The following PRKAR1A variants were observed in gnomAD, a reference collection of about 807,000 sequenced individuals.
PRKAR1A encodes protein kinase cAMP-dependent type I regulatory subunit alpha.
Under a neutral mutation model 52.0 loss-of-function variants are expected in PRKAR1A, and 3 were observed. That is an observed-to-expected ratio of 0.06 (90% CI 0.03 to 0.15). The LOEUF is 0.15. Among genes scored for constraint, PRKAR1A ranks in the 10% least tolerant of loss-of-function variants. The probability of loss-of-function intolerance (pLI) is 1.00; values close to 1 mark genes in which losing one functional copy is unlikely to be tolerated. For missense variants in PRKAR1A, 240 were observed against 477.4 expected, an observed-to-expected ratio of 0.50 and a Z score of 4.63; for synonymous variants, 188 against 168.4, an observed-to-expected ratio of 1.12 and a Z score of -0.90.
At chr17:68,454,662 T>A in the PRKAR1A span, among the ~76,000 whole-genome samples, 2 of 152,232 alleles carry the variant, frequency 1.3e-5, no homozygotes, top group African/African-American at 4.8e-5. Context: ...AACTTCAAAA[T>A]GTATTTTGTA....
At chr17:68,475,861 A>G in the PRKAR1A span, among the ~76,000 whole-genome samples, 1 of 152,128 alleles carries the variant, frequency 6.6e-6, no homozygotes, top group African/African-American at 2.4e-5. Context: ...ATTTTTATGC[A>G]TATATATGTA....
intron 6 of PRKAR1A, 54 bp from the exon 7 acceptor site, chr17:68,525,700 A>T: frequency 6.3e-7 from 1 of 1,581,952 alleles, no homozygotes; most frequent in East Asian, 2.2e-5. Flanking sequence ...GGTTTTTAAC[A>T]TTTAAGTGTT....
intron 11 of PRKAR1A, among the ~76,000 whole-genome samples, chr17:68,547,486 A>G (rs530957878): frequency 2.9e-4 from 44 of 152,334 alleles, no homozygotes; most frequent in African/African-American, 6.3e-4. Flanking sequence ...ACGTTCATCA[A>G]TGATCTTAGC....
At chr17:68,435,149 G>A in the PRKAR1A span, among the ~76,000 whole-genome samples, 1 of 151,440 alleles carries the variant, frequency 6.6e-6, no homozygotes, top group South Asian at 2.1e-4. Flanking sequence ...GGAGGTTGCA[G>A]TGAGCCGAGA....
At chr17:68,514,696 T>G (rs1809625360) in intron 1 of PRKAR1A, 1 of 152,242 alleles carries the variant, frequency 6.6e-6, no homozygotes, top group Non-Finnish European at 1.5e-5. Flanking sequence ...GTTTTACAGT[T>G]TATGTGGTAA....
chr17:68,510,072 C>T (rs1191376973), upstream of PRKAR1A, among the ~76,000 whole-genome samples: 1 of 151,914 alleles, frequency 6.6e-6, no homozygotes, highest in African/African-American at 2.4e-5. Flanking sequence ...TTGGGTAGCT[C>T]TGCAGGAAGA....
chr17:68,416,799 G>A, the PRKAR1A span, among the ~76,000 whole-genome samples: 1 of 148,438 alleles, frequency 6.7e-6, no homozygotes, highest in African/African-American at 2.4e-5. Flanking sequence ...CTAGAAGTAT[G>A]TCCAATGTTT....
the PRKAR1A span, chr17:68,457,317 T>C: frequency 6.5e-7 from 1 of 1,540,280 alleles, no homozygotes; most frequent in South Asian, 1.2e-5. Context: ...CCCACCTCCC[T>C]GGCAGGGGCC....
At chr17:68,443,408 C>T in the PRKAR1A span, among the ~76,000 whole-genome samples, 7 of 152,254 alleles carry the variant, frequency 4.6e-5, no homozygotes, top group East Asian at 7.7e-4. Flanking sequence ...CCACCGCACC[C>T]GGCTAGCTTT....
Position 68,532,175 on chromosome 17 carries a change from A to C in PRKAR1A, c.*1726A>C. ...TATTAAATGAGGGTTTCTGATCTGT[A>C]CTTTGTGTTTAGCTACCTTTTTATA... On this transcript the variant is annotated 3_prime_UTR_variant, in exon 11 of 11. Coordinates refer to ENST00000589228, the MANE Select transcript of PRKAR1A (RefSeq NM_002734.5). The C allele has an allele frequency of 9.6e-7, 1 of 1,046,598 alleles. No homozygotes were observed. Among genetic ancestry groups the C allele is most frequent in the Non-Finnish European group, 1.2e-6 (1 of 862,256 alleles). The allele number at this position is 1,046,598 out of a possible 1,614,324, so 64.8% of individuals were successfully genotyped here.
chr17:68,444,638 C>A, the PRKAR1A span: 1 of 1,491,186 alleles, frequency 6.7e-7, no homozygotes, highest in Non-Finnish European at 9.2e-7. Flanking sequence ...CTTACAAAGA[C>A]CCTGACCAAA....
At chr17:68,479,323 TA>T in the PRKAR1A span, among the ~76,000 whole-genome samples, 3 of 152,188 alleles carry the variant, frequency 2.0e-5, no homozygotes, top group East Asian at 5.8e-4. Flanking sequence ...ACAGATGACA[TA>T]ATCTCTTTTT....
At chr17:68,541,290 C>T (rs188029421) in intron 11 of PRKAR1A, 49 of 361,198 alleles carry the variant, frequency 1.4e-4, no homozygotes, top group African/African-American at 9.6e-4. Context: ...TCTCACCAAG[C>T]CTCTTGGACC....
At chr17:68,433,771 T>TGTTTGTTTTTTTTTTTTTG in the PRKAR1A span, among the ~76,000 whole-genome samples, 1 of 21,362 alleles carries the variant, frequency 4.7e-5, no homozygotes, top group African/African-American at 1.1e-4. Flanking sequence ...TTTTTTTTTT[T>TGTTTGTTTTTTTTTTTTTG]TTTTTTTTTT....
At chr17:68,526,615 G>A (rs931500286) in intron 7 of PRKAR1A, among the ~76,000 whole-genome samples, 2 of 152,092 alleles carry the variant, frequency 1.3e-5, no homozygotes, top group Admixed American at 1.3e-4. Context: ...CTTGTCCTTC[G>A]CAGCAACATA....
chr17:68,420,617 C>G, the PRKAR1A span: 1 of 893,302 alleles, frequency 1.1e-6, no homozygotes, highest in East Asian at 2.5e-5. Context: ...GTATCCTGTC[C>G]CTCCTCCACG....
At chr17:68,511,726 A>T (rs1404948115), upstream of PRKAR1A, 1 of 152,010 alleles carries the variant, frequency 6.6e-6, no homozygotes, top group East Asian at 1.9e-4. Flanking sequence ...CGGATGACTG[A>T]CCTGAGCCCG....
chr17:68,531,415 A>T lies in PRKAR1A; in HGVS notation c.*966A>T. Reference sequence around the variant, plus strand: ...TTGGATTTGCTGTGACTAGATACAGATGGAGCAAATGTCCTAACAGAGAAA... The same window carrying T: ...TTGGATTTGCTGTGACTAGATACAGTTGGAGCAAATGTCCTAACAGAGAAA... On this transcript the variant is annotated 3_prime_UTR_variant, in exon 11 of 11. Transcript: ENST00000589228. 9.4e-7 allele frequency: 1 copy of T among 1,066,016 alleles called. No homozygotes were observed. Among genetic ancestry groups the T allele is most frequent in the Non-Finnish European group, 1.1e-6 (1 of 879,590 alleles). 66.0% of individuals were successfully genotyped at this position (1,066,016 alleles called of 1,614,324 possible). A position where few individuals can be genotyped will look rare whatever the true frequency, so the allele number is the denominator to read the frequency against.
At chr17:68,476,702 C>T in the PRKAR1A span, among the ~76,000 whole-genome samples, 1,619 of 151,718 alleles carry the variant, frequency 0.011, 19 homozygotes, top group Middle Eastern at 0.045. Flanking sequence ...GATGGAGTCT[C>T]GCTCTGTCAC....
Sources: allele counts gnomAD v4.1 joint callset (sites outside exome capture counted in the v4.1 genomes callset), GRCh38; gene constraint gnomAD v4.1.1; transcripts MANE v1.5; gene names NCBI Gene and HGNC (gene_info 2026-07-23, HGNC 2026-07-21).